Variants in CTTNBP2 observed in about 807,000 individuals in gnomAD.
The protein encoded by CTTNBP2 is cortactin binding protein 2.
CTTNBP2 carries 108 observed loss-of-function variants against 156.9 expected under a neutral mutation model. The observed-to-expected ratio is 0.69, with a 90% confidence interval of 0.59 to 0.81. CTTNBP2 has a LOEUF of 0.81. Ranked by LOEUF, CTTNBP2 falls within the 30% of genes least tolerant of loss-of-function variation. The pLI is 0.00. For synonymous variants in CTTNBP2, 767 were observed against 751.8 expected, an observed-to-expected ratio of 1.02 and a Z score of -0.33; for missense variants, 1,924 against 2,035.4, an observed-to-expected ratio of 0.95 and a Z score of 1.05.
intron 2 of CTTNBP2, among the ~76,000 whole-genome samples, chr7:117,844,251 C>T (rs1223886221): frequency 2.0e-5 from 3 of 152,186 alleles, no homozygotes; most frequent in Admixed American, 1.3e-4. Flanking sequence ...TTTTAGACTT[C>T]TGACCTCCAG....
chr7:117,726,685 G>T (rs899297054), intron 17 of CTTNBP2, among the ~76,000 whole-genome samples: 1 of 152,214 alleles, frequency 6.6e-6, no homozygotes, highest in African/African-American at 2.4e-5. Context: ...GCCAAGGGTC[G>T]ACAGAGTTGC....
chr7:117,801,906 A>G (rs1284971692), intron 3 of CTTNBP2, among the ~76,000 whole-genome samples: 1 of 151,910 alleles, frequency 6.6e-6, no homozygotes, highest in African/African-American at 2.4e-5. Context: ...TATTTTTTTT[A>G]TTTTTTTATT....
At chr7:117,866,044 T>C (rs929844469) in intron 1 of CTTNBP2, among the ~76,000 whole-genome samples, 1 of 151,304 alleles carries the variant, frequency 6.6e-6, no homozygotes, top group East Asian at 1.9e-4. Context: ...TTCAACACTG[T>C]AGTTTTGAAC....
intron 2 of CTTNBP2, among the ~76,000 whole-genome samples, chr7:117,860,265 C>T (rs533343491): frequency 2.9e-4 from 44 of 151,920 alleles, no homozygotes; most frequent in African/African-American, 1.0e-3. Context: ...GATCTACAAA[C>T]CAAAATAAAC....
At chr7:117,726,386 C>T (rs537305947) in intron 17 of CTTNBP2, among the ~76,000 whole-genome samples, 4 of 152,070 alleles carry the variant, frequency 2.6e-5, no homozygotes, top group East Asian at 1.9e-4. Context: ...AATAAAAGTA[C>T]GAATGGGAAC....
intron 14 of CTTNBP2, among the ~76,000 whole-genome samples, chr7:117,738,830 T>C (rs904962169): frequency 6.6e-6 from 1 of 152,184 alleles, no homozygotes; most frequent in Non-Finnish European, 1.5e-5. Context: ...TCAGGCATGC[T>C]GGGGTCTCTT....
At chr7:117,842,912 T>C (rs1167559138) in intron 2 of CTTNBP2, among the ~76,000 whole-genome samples, 2 of 152,206 alleles carry the variant, frequency 1.3e-5, no homozygotes, top group Non-Finnish European at 2.9e-5. Flanking sequence ...CCTGCCCTCA[T>C]GGAGCTTACA....
intron 3 of CTTNBP2, 87 bp downstream of exon 3, chr7:117,810,678 T>A: frequency 6.8e-6 from 7 of 1,035,398 alleles, no homozygotes; most frequent in South Asian, 1.4e-5. Flanking sequence ...TCTGAAAATA[T>A]AATACTGAAG....
chr7:117,846,039 GAC>G (rs911098078), intron 2 of CTTNBP2, among the ~76,000 whole-genome samples: 1 of 141,356 alleles, frequency 7.1e-6, no homozygotes, highest in Non-Finnish European at 1.6e-5. Context: ...TTTTAGTAGA[GAC>G]AGGGTTTCAC....
chr7:117,734,319 A>G (rs1406330487), intron 16 of CTTNBP2, among the ~76,000 whole-genome samples: 2 of 152,234 alleles, frequency 1.3e-5, no homozygotes, highest in African/African-American at 4.8e-5. Flanking sequence ...ATCAAACTCT[A>G]TTATTTCTAA....
At chr7:117,732,303 T>G (rs1795444370) in intron 16 of CTTNBP2, among the ~76,000 whole-genome samples, 1 of 151,208 alleles carries the variant, frequency 6.6e-6, no homozygotes, top group Non-Finnish European at 1.5e-5. Context: ...TTATGGAGGG[T>G]TCACACAAAA....
intron 2 of CTTNBP2, among the ~76,000 whole-genome samples, chr7:117,834,466 C>T (rs758146674): frequency 6.6e-6 from 1 of 152,206 alleles, no homozygotes; most frequent in Non-Finnish European, 1.5e-5. Context: ...GAACTGAGAA[C>T]TTATGCTAAT....
At position 117,791,711 on chromosome 7, in the gene CTTNBP2, T is replaced by C. The variant is rs143016555; in HGVS notation, c.1485A>G (p.Ala495=). Residue 495 remains alanine, a synonymous_variant, in exon 4 of 23, where the codon GCA becomes GCG. Transcript: ENST00000160373. Reference sequence around the variant, plus strand: ...CTTGAGGGCTTGTAAATCTTGACAGTGCTTGGGTCACAGTATTCCGAGCTA... The same window carrying C: ...CTTGAGGGCTTGTAAATCTTGACAGCGCTTGGGTCACAGTATTCCGAGCTA... ...KQLARNTVTQ[A]LSRFTSPQAG... 7.1e-5 allele frequency: 114 copies of C among 1,614,046 alleles called. No homozygotes were observed. Among genetic ancestry groups the C allele is most frequent in the Non-Finnish European group, 9.2e-5 (109 of 1,180,036 alleles).
Position 117,810,772 on chromosome 7 carries a change from T to C in CTTNBP2, c.407A>G (p.Gln136Arg), listed in dbSNP as rs1431956334. ...SAQLAAAESRQKKLEMEKLQL... is the reference protein window; with the variant it reads ...SAQLAAAESRRKKLEMEKLQL... ...ATTTGAACGCCTCAATACCTTCTTT[T>C]GTCTGCTCTCAGCAGCAGCCAGCTG... is the stretch of plus-strand genomic sequence containing the variant. Residue 136 changes from glutamine (Q) to arginine (R), a missense_variant, in exon 3 of 23, where the codon CAA becomes CGA. Transcript: ENST00000160373. 6.2e-7 allele frequency: 1 copy of C among 1,612,904 alleles called. No homozygotes were observed. Among genetic ancestry groups the C allele is most frequent in the African/African-American group, 1.3e-5 (1 of 75,024 alleles).
intron 2 of CTTNBP2, among the ~76,000 whole-genome samples, chr7:117,843,297 G>A (rs556852919): frequency 2.0e-5 from 3 of 152,312 alleles, no homozygotes; most frequent in African/African-American, 7.2e-5. Flanking sequence ...CACTGATGCT[G>A]AGGGATGACT....
intron 1 of CTTNBP2, among the ~76,000 whole-genome samples, chr7:117,868,723 C>T (rs1046544575): frequency 6.6e-6 from 1 of 152,164 alleles, no homozygotes; most frequent in African/African-American, 2.4e-5. Context: ...CAAAGGAGCA[C>T]CAACAGAGAA....
intron 7 of CTTNBP2, among the ~76,000 whole-genome samples, chr7:117,779,820 G>A (rs1798308834): frequency 6.6e-6 from 1 of 151,992 alleles, no homozygotes; most frequent in African/African-American, 2.4e-5. Context: ...GAGTGCAACA[G>A]CGCCATCTCA....
Position 117,725,269 on chromosome 7 carries a change from G to C in CTTNBP2, c.4056-12C>G. The C allele has an allele frequency of 6.2e-7, 1 of 1,612,378 alleles. No homozygotes were observed. Among genetic ancestry groups the C allele is most frequent in the Non-Finnish European group, 8.5e-7 (1 of 1,178,410 alleles). On this transcript the variant is annotated splice_polypyrimidine_tract_variant and intron_variant, in intron 17 of 22. Coordinates refer to ENST00000160373, the MANE Select transcript of CTTNBP2 (RefSeq NM_033427.3). ...GCTTAGACATCCACCTAGCAGGAGA[G>C]GGACCGATTCATCCCTTAGGAGCAG... is the stretch of plus-strand genomic sequence containing the variant.
intron 2 of CTTNBP2, among the ~76,000 whole-genome samples, chr7:117,859,207 C>T (rs754717725): frequency 1.3e-5 from 2 of 152,150 alleles, no homozygotes; most frequent in Non-Finnish European, 2.9e-5. Flanking sequence ...CCACATCTGA[C>T]AGGGATGCAA....
Sources: gnomAD v4.1 joint callset for allele counts (sites outside exome capture counted in the v4.1 genomes callset) on GRCh38, gnomAD v4.1.1 for gene constraint, MANE v1.5 for transcripts, NCBI Gene and HGNC (gene_info 2026-07-23, HGNC 2026-07-21) for gene names.